CDH2: variants seen among roughly 807,000 people sequenced by gnomAD.
CDH2 encodes cadherin 2, also known as cadherin-2.
A neutral mutation model predicts 92.0 loss-of-function variants in CDH2; 17 were observed. The observed-to-expected ratio is 0.18, with a 90% CI of 0.13 to 0.28. The LOEUF (loss-of-function observed/expected upper bound fraction) is 0.28. CDH2 is among the 10% of genes least tolerant of loss of function. The pLI, the probability that CDH2 is intolerant of heterozygous loss-of-function variation, is 1.00. For synonymous variants in CDH2, 419 were observed against 415.9 expected, an observed-to-expected ratio of 1.01 and a Z score of -0.09; for missense variants, 862 against 1,133.1, an observed-to-expected ratio of 0.76 and a Z score of 3.44.
intron 2 of CDH2, among the ~76,000 whole-genome samples, chr18:28,021,054 G>A (rs746063951): frequency 5.3e-5 from 8 of 151,838 alleles, no homozygotes; most frequent in Admixed American, 1.3e-4. Context: ...TGGTTGTCTC[G>A]TTGTCAATAT....
chr18:28,082,549 C>A (rs2014851710), intron 2 of CDH2, among the ~76,000 whole-genome samples: 1 of 151,926 alleles, frequency 6.6e-6, no homozygotes, highest in Non-Finnish European at 1.5e-5. Context: ...TAATAGGTAC[C>A]CCCCATTCAA....
intron 2 of CDH2, among the ~76,000 whole-genome samples, chr18:28,066,242 C>A (rs2014504326): frequency 6.6e-6 from 1 of 152,100 alleles, no homozygotes; most frequent in Non-Finnish European, 1.5e-5. Flanking sequence ...AAAGCAGACA[C>A]TTACTAAATA....
At chr18:28,162,448 C>T (rs2016319732) in intron 1 of CDH2, among the ~76,000 whole-genome samples, 1 of 152,154 alleles carries the variant, frequency 6.6e-6, no homozygotes, top group East Asian at 1.9e-4. Flanking sequence ...GAACTATCAA[C>T]AGCTCATGAG....
At chr18:28,058,313 G>A (rs143618454) in intron 2 of CDH2, among the ~76,000 whole-genome samples, 1 of 152,192 alleles carries the variant, frequency 6.6e-6, no homozygotes, top group East Asian at 1.9e-4. Context: ...GGATCTTTTG[G>A]ACAAGACATG....
intron 15 of CDH2, among the ~76,000 whole-genome samples, chr18:27,960,470 G>A (rs2011372872): frequency 6.6e-6 from 1 of 152,164 alleles, no homozygotes; most frequent in African/African-American, 2.4e-5. Flanking sequence ...GATGCTGGGT[G>A]GTGAGGGCCT....
At chr18:28,157,326 C>T (rs1299986882) in intron 1 of CDH2, among the ~76,000 whole-genome samples, 1 of 152,184 alleles carries the variant, frequency 6.6e-6, no homozygotes, top group Non-Finnish European at 1.5e-5. Flanking sequence ...CAACTAAAGA[C>T]ACTCAATATC....
intron 5 of CDH2, among the ~76,000 whole-genome samples, chr18:28,007,459 C>A (rs1168597081): frequency 6.6e-6 from 1 of 151,570 alleles, no homozygotes; most frequent in Non-Finnish European, 1.5e-5. Flanking sequence ...CTGCTGGATA[C>A]ACTCTATCAA....
At chr18:28,050,681 C>CT (rs2144125728) in intron 2 of CDH2, among the ~76,000 whole-genome samples, 1 of 152,140 alleles carries the variant, frequency 6.6e-6, no homozygotes, top group East Asian at 1.9e-4. Context: ...GATATAATGC[C>CT]TTTTTCACTT....
At chr18:28,016,202 G>T (rs1029002154) in intron 2 of CDH2, among the ~76,000 whole-genome samples, 1 of 152,090 alleles carries the variant, frequency 6.6e-6, no homozygotes, top group African/African-American at 2.4e-5. Flanking sequence ...TATAATGATG[G>T]TTATTAATAA....
intron 14 of CDH2, among the ~76,000 whole-genome samples, chr18:27,966,874 C>T (rs2011545866): frequency 6.6e-6 from 1 of 151,870 alleles, no homozygotes; most frequent in African/African-American, 2.4e-5. Flanking sequence ...ATAGAAAGTT[C>T]CCACTAAAAA....
At chr18:28,116,234 C>T (rs1210194925) in intron 2 of CDH2, among the ~76,000 whole-genome samples, 6 of 152,104 alleles carry the variant, frequency 3.9e-5, no homozygotes, top group African/African-American at 4.8e-5. Context: ...TGAAATTTTA[C>T]TTTTCAATCC....
intron 2 of CDH2, among the ~76,000 whole-genome samples, chr18:28,118,191 C>T (rs1056463095): frequency 5.9e-5 from 9 of 151,684 alleles, no homozygotes; most frequent in Admixed American, 3.3e-4. Flanking sequence ...AATTAATATT[C>T]ACATACACCT....
chr18:28,164,355 T>C (rs2016348309), intron 1 of CDH2, among the ~76,000 whole-genome samples: 1 of 152,112 alleles, frequency 6.6e-6, no homozygotes, highest in South Asian at 2.1e-4. Context: ...ATTTAATGAG[T>C]TAATACATGT....
chr18:28,067,494 T>C (rs561271486), intron 2 of CDH2, among the ~76,000 whole-genome samples: 2 of 152,306 alleles, frequency 1.3e-5, no homozygotes, highest in East Asian at 1.9e-4. Context: ...ATGTGGTCCT[T>C]TGTGATTAGC....
chr18:28,106,473 G>GTTTTTTTTTTTTTTTTTTTTTTT (rs34443556), intron 2 of CDH2, among the ~76,000 whole-genome samples: 3 of 146,788 alleles, frequency 2.0e-5, no homozygotes, highest in Non-Finnish European at 3.0e-5. Context: ...ACTTACCAGA[G>GTTTTTTTTTTTTTTTTTTTTTTT]TTTTTTTTTT....
intron 3 of CDH2, among the ~76,000 whole-genome samples, chr18:28,012,916 A>G (rs1408282870): frequency 6.6e-6 from 1 of 152,198 alleles, no homozygotes; most frequent in African/African-American, 2.4e-5. Flanking sequence ...CAGTAAAATA[A>G]GCATAAAAAA....
intron 2 of CDH2, among the ~76,000 whole-genome samples, chr18:28,062,601 C>A (rs1486865301): frequency 6.6e-6 from 1 of 152,130 alleles, no homozygotes; most frequent in Non-Finnish European, 1.5e-5. Context: ...TAAAATCAGG[C>A]AACTGCATAT....
At chr18:27,989,057 A>G (rs532049283) in intron 10 of CDH2, among the ~76,000 whole-genome samples, 34 of 152,204 alleles carry the variant, frequency 2.2e-4, no homozygotes, top group Non-Finnish European at 4.3e-4. Context: ...AAGAGAAATT[A>G]TAATAGAAAT....
chr18:28,056,460 C>T (rs576417126), intron 2 of CDH2, among the ~76,000 whole-genome samples: 35 of 152,178 alleles, frequency 2.3e-4, no homozygotes, highest in Admixed American at 7.9e-4. Flanking sequence ...TGAATCCTTG[C>T]GCTTCATTTT....
Sources: allele counts gnomAD v4.1 joint callset (sites outside exome capture counted in the v4.1 genomes callset), GRCh38; gene constraint gnomAD v4.1.1; transcripts MANE v1.5; gene names NCBI Gene and HGNC (gene_info 2026-07-23, HGNC 2026-07-21).